The following PRKG1 variants were observed in gnomAD, a reference collection of about 807,000 sequenced individuals.
The protein encoded by PRKG1 is cGMP-dependent protein kinase 1.
In PRKG1, 35 loss-of-function variants were observed where a neutral mutation model predicts 88.1. The observed-to-expected ratio is 0.40, with a 90% CI of 0.30 to 0.53. PRKG1 has a LOEUF of 0.53. Among genes scored for constraint, PRKG1 ranks in the 20% least tolerant of loss-of-function variants. The pLI is 0.59. For synonymous variants in PRKG1, 303 were observed against 292.5 expected, an observed-to-expected ratio of 1.04 and a Z score of -0.37; for missense variants, 540 against 839.8, an observed-to-expected ratio of 0.64 and a Z score of 4.41.
chr10:52,249,933 C>A (rs150414543), intron 9 of PRKG1, among the ~76,000 whole-genome samples: 441 of 152,278 alleles, frequency 2.9e-3, no homozygotes, highest in African/African-American at 0.01. Flanking sequence ...TATTCAACAA[C>A]GATCTCATTA....
intron 3 of PRKG1, among the ~76,000 whole-genome samples, chr10:51,727,606 C>A (rs578126221): frequency 6.6e-6 from 1 of 152,208 alleles, no homozygotes; most frequent in East Asian, 1.9e-4. Flanking sequence ...TTAAATGAAG[C>A]CCTAATATTC....
intron 4 of PRKG1, among the ~76,000 whole-genome samples, chr10:51,841,893 G>A (rs1840285936): frequency 1.3e-5 from 2 of 152,182 alleles, no homozygotes; most frequent in South Asian, 4.1e-4. Context: ...ACGCTGGCCA[G>A]GCTGATCTCT....
At chr10:51,835,846 TC>T (rs1348811390) in intron 4 of PRKG1, among the ~76,000 whole-genome samples, 1 of 152,180 alleles carries the variant, frequency 6.6e-6, no homozygotes, top group Admixed American at 6.5e-5. Flanking sequence ...TAATTCACAT[TC>T]CTGCCAACAG....
chr10:52,061,551 A>G (rs754878026), intron 6 of PRKG1, among the ~76,000 whole-genome samples: 11 of 152,102 alleles, frequency 7.2e-5, no homozygotes, highest in Non-Finnish European at 1.2e-4. Context: ...ATGCAACAAA[A>G]AACATTATCA....
At chr10:51,724,078 C>A (rs1842075060) in intron 3 of PRKG1, among the ~76,000 whole-genome samples, 1 of 152,198 alleles carries the variant, frequency 6.6e-6, no homozygotes, top group Non-Finnish European at 1.5e-5. Flanking sequence ...TGGGGAAGAT[C>A]TGCCCTCATA....
intron 3 of PRKG1, among the ~76,000 whole-genome samples, chr10:51,530,688 T>C (rs1410142431): frequency 6.6e-6 from 1 of 152,154 alleles, no homozygotes; most frequent in East Asian, 1.9e-4. Context: ...CCTTAATGCA[T>C]CACACAAACT....
At chr10:51,652,791 A>G (rs1280386849) in intron 3 of PRKG1, among the ~76,000 whole-genome samples, 1 of 152,202 alleles carries the variant, frequency 6.6e-6, no homozygotes, top group African/African-American at 2.4e-5. Flanking sequence ...TATTAACTAC[A>G]GTCACCATGC....
At chr10:51,867,835 C>T (rs745987210) in intron 4 of PRKG1, among the ~76,000 whole-genome samples, 2 of 152,168 alleles carry the variant, frequency 1.3e-5, no homozygotes, top group African/African-American at 2.4e-5. Flanking sequence ...GATCTAAGAT[C>T]TCTGTCCTCT....
chr10:51,380,583 T>C (rs1837057844), intron 2 of PRKG1, among the ~76,000 whole-genome samples: 1 of 152,126 alleles, frequency 6.6e-6, no homozygotes, highest in Non-Finnish European at 1.5e-5. Context: ...GCAGGTCACC[T>C]GAGGTCAGGA....
intron 1 of PRKG1, among the ~76,000 whole-genome samples, chr10:51,031,475 A>G (rs1843282134): frequency 6.6e-6 from 1 of 152,190 alleles, no homozygotes; most frequent in Admixed American, 6.6e-5. Context: ...GTCTCTAAAT[A>G]GATATTATTT....
In PRKG1 at chr10:51,501,090, T is replaced by C. The variant is rs531605779; in HGVS notation, c.592+33254T>C. ...CCTGGTTCCTGTCTTTATGTGGCCA[T>C]TTTGTTCAGTTTTCCTGTGATTCTG... On this transcript the variant is annotated intron_variant, in intron 3 of 17. Coordinates refer to ENST00000373980, the MANE Select transcript of PRKG1 (RefSeq NM_006258.4). 3.7e-4 allele frequency among the ~76,000 whole-genome samples: 56 copies of C among 152,294 alleles called. No homozygotes were observed. The South Asian group carries it at 0.011, about 30-fold the overall frequency.
At chr10:51,407,031 C>A (rs1401665451) in intron 2 of PRKG1, among the ~76,000 whole-genome samples, 1 of 152,154 alleles carries the variant, frequency 6.6e-6, no homozygotes, top group African/African-American at 2.4e-5. Context: ...CCAGTCTAGT[C>A]TTTTCATGTT....
intron 9 of PRKG1, among the ~76,000 whole-genome samples, chr10:52,188,405 G>GT (rs1033043965): frequency 2.7e-5 from 4 of 150,030 alleles, no homozygotes; most frequent in Non-Finnish European, 4.4e-5. Context: ...CTAGAGTGTG[G>GT]TGGCATGATC....
intron 4 of PRKG1, among the ~76,000 whole-genome samples, chr10:51,869,547 T>C (rs1378565041): frequency 5.9e-5 from 9 of 152,126 alleles, no homozygotes; most frequent in Non-Finnish European, 1.3e-4. Context: ...GCCCTTGAAC[T>C]CAAAGATCTT....
At chr10:51,094,549 T>C (rs1368159632) in intron 1 of PRKG1, among the ~76,000 whole-genome samples, 1 of 152,114 alleles carries the variant, frequency 6.6e-6, no homozygotes, top group Non-Finnish European at 1.5e-5. Context: ...CCAGATTTTT[T>C]TTTTTCTTTC....
At chr10:51,394,473 C>A (rs1837524607) in intron 2 of PRKG1, among the ~76,000 whole-genome samples, 1 of 152,220 alleles carries the variant, frequency 6.6e-6, no homozygotes, top group Non-Finnish European at 1.5e-5. Flanking sequence ...CAGCATTACC[C>A]TTTCCATGTC....
At chr10:51,665,028 C>T (rs1840388764) in intron 3 of PRKG1, among the ~76,000 whole-genome samples, 1 of 152,082 alleles carries the variant, frequency 6.6e-6, no homozygotes. Context: ...CCACTTTATT[C>T]ACAAACGTTC....
chr10:51,234,733 T>C (rs1328199970), intron 2 of PRKG1, among the ~76,000 whole-genome samples: 1 of 152,148 alleles, frequency 6.6e-6, no homozygotes, highest in Admixed American at 6.6e-5. Context: ...TGTATTTTTT[T>C]CCTCAATTAG....
At chr10:51,515,929 C>T (rs192943913) in intron 3 of PRKG1, among the ~76,000 whole-genome samples, 1 of 152,272 alleles carries the variant, frequency 6.6e-6, no homozygotes, top group Non-Finnish European at 1.5e-5. Context: ...TGTTAAAATG[C>T]TCTCTTAGCT....
Sources: gnomAD v4.1 joint callset for allele counts (sites outside exome capture counted in the v4.1 genomes callset) on GRCh38, gnomAD v4.1.1 for gene constraint, MANE v1.5 for transcripts, NCBI Gene and HGNC (gene_info 2026-07-23, HGNC 2026-07-21) for gene names.